DRC1: variants seen among roughly 807,000 people sequenced by gnomAD.
The protein encoded by DRC1 is dynein regulatory complex protein 1.
DRC1 carries 74 observed loss-of-function variants against 98.7 expected under a neutral mutation model. The ratio of observed to expected loss-of-function variants is 0.75; its 90% CI spans 0.62 to 0.91. The LOEUF (loss-of-function observed/expected upper bound fraction) is 0.91. Among genes scored for constraint, DRC1 ranks in the 40% least tolerant of loss-of-function variants. DRC1 has a pLI of 0.00. For missense variants in DRC1, 875 were observed against 886.0 expected, an observed-to-expected ratio of 0.99 and a Z score of 0.16; for synonymous variants, 336 against 334.1, an observed-to-expected ratio of 1.01 and a Z score of -0.06.
rs747725311 is a variant in DRC1 at position 26,414,365 on chromosome 2, A to C, written c.177A>C (p.Leu59Phe). ...ACAGGGAAGCACTTGGAGAATATTTAGATGGGAAGAAGGAGAGTGAGGAGG... is the reference window on the plus strand; with the variant it reads ...ACAGGGAAGCACTTGGAGAATATTTCGATGGGAAGAAGGAGAGTGAGGAGG... ...ARRREALGEY[L>F]DGKKESEEDQ... Residue 59 changes from leucine (L) to phenylalanine (F), a missense_variant, in exon 2 of 17, where the codon TTA (leucine) becomes TTC (phenylalanine). By Grantham distance (22) the Leu-to-Phe change is conservative. Transcript: ENST00000288710. The C allele has an allele frequency of 2.3e-5, 37 of 1,614,032 alleles. No individual in the cohort carries two copies. Among genetic ancestry groups the C allele is most frequent in the Non-Finnish European group, 2.8e-5 (33 of 1,179,948 alleles).
chr2:26,421,906 A>C (rs1450072625), intron 3 of DRC1, among the ~76,000 whole-genome samples: 1 of 152,102 alleles, frequency 6.6e-6, no homozygotes. Context: ...TACATTGCTG[A>C]TACGTGCCAA....
At chr2:26,424,095 C>T (rs1463132340) in intron 3 of DRC1, among the ~76,000 whole-genome samples, 176 bp from the exon 4 acceptor site, 2 of 152,144 alleles carry the variant, frequency 1.3e-5, no homozygotes, top group Non-Finnish European at 2.9e-5. Flanking sequence ...AAGTTATTTA[C>T]AGTCAAGCGT....
intron 7 of DRC1, among the ~76,000 whole-genome samples, chr2:26,434,926 G>A (rs1472192481): frequency 6.6e-6 from 1 of 151,602 alleles, no homozygotes; most frequent in Non-Finnish European, 1.5e-5. Flanking sequence ...TACACAAATA[G>A]TGTCAAAGAG....
intron 8 of DRC1, among the ~76,000 whole-genome samples, chr2:26,441,741 G>A (rs761737222): frequency 3.9e-5 from 6 of 152,130 alleles, no homozygotes; most frequent in Admixed American, 1.3e-4. Flanking sequence ...GGGAGGAGGC[G>A]CTTGAGGCAG....
At chr2:26,407,399 A>G (rs1425995505) in intron 1 of DRC1, among the ~76,000 whole-genome samples, 1 of 152,152 alleles carries the variant, frequency 6.6e-6, no homozygotes, top group Non-Finnish European at 1.5e-5. Flanking sequence ...CTAAATCCCC[A>G]AAGACTAGGA....
At chr2:26,410,474 G>T (rs1018950018) in intron 1 of DRC1, among the ~76,000 whole-genome samples, 1 of 152,050 alleles carries the variant, frequency 6.6e-6, no homozygotes. Context: ...GTTTCACCAT[G>T]TTGGCCAGGC....
chr2:26,428,566 A>G (rs1001743705), intron 4 of DRC1, among the ~76,000 whole-genome samples: 2 of 152,336 alleles, frequency 1.3e-5, no homozygotes, highest in Middle Eastern at 3.4e-3. Context: ...TGGGAGGCCG[A>G]GGCAGGTGGA....
chr2:26,442,066 G>A (rs1163638595), intron 8 of DRC1, among the ~76,000 whole-genome samples: 1 of 152,228 alleles, frequency 6.6e-6, no homozygotes, highest in Non-Finnish European at 1.5e-5. Flanking sequence ...TTAGTTTCTA[G>A]TGAGGGCTGC....
At chr2:26,412,826 G>A (rs970211166) in intron 1 of DRC1, among the ~76,000 whole-genome samples, 2 of 152,150 alleles carry the variant, frequency 1.3e-5, no homozygotes, top group African/African-American at 4.8e-5. Flanking sequence ...CGCCCAGGCT[G>A]GAGTGCAGTG....
At chr2:26,434,364 A>G (rs752926982) in intron 7 of DRC1, among the ~76,000 whole-genome samples, 5 of 152,232 alleles carry the variant, frequency 3.3e-5, no homozygotes, top group Non-Finnish European at 5.9e-5. Flanking sequence ...AAACTGCTAG[A>G]AACATTTAAT....
At position 26,428,436 on chromosome 2, in the gene DRC1, TGA is replaced by T. The variant is rs1378858218; in HGVS notation, c.541-1191_541-1190del. Among the ~76,000 whole-genome samples, 13 of 152,228 alleles carry T rather than the reference TGA, an allele frequency of 8.5e-5. 1 individual carries two copies. ...AAACCTGTCCGGAATGCTACTGTAC[TGA>T]ATACTGTAAGCAGTTGTAACGCAGT... On this transcript the variant is annotated intron_variant, in intron 4 of 16. Coordinates refer to ENST00000288710, the MANE Select transcript of DRC1 (RefSeq NM_145038.5).
Position 26,402,000 on chromosome 2 carries a change from C to A in DRC1, c.11C>A (p.Pro4Gln). MNP[P>Q]GSLEALDPNV... ...CCAGGGACTCCTGCCATGAATCCGC[C>A]GGGGTCCCTAGAGGCCCTGGACCCG... The change falls in exon 1 of 17, where the codon CCG becomes CAG. Residue 4 changes from proline (P) to glutamine (Q), a missense_variant. By Grantham distance (76) the Pro-to-Gln change is moderately conservative. Transcript: ENST00000288710. The A allele has an allele frequency of 6.2e-7, 1 of 1,606,492 alleles. No individual in the cohort carries two copies. The highest frequency in any genetic ancestry group is 1.1e-5 in the South Asian group (1 of 89,408).
intron 15 of DRC1, 102 bp from the exon 16 acceptor site, chr2:26,455,029 C>T: frequency 7.1e-7 from 1 of 1,413,380 alleles, no homozygotes; most frequent in East Asian, 2.3e-5. Context: ...CTTCTGGAGT[C>T]TCCCTCCACC....
At chr2:26,424,551 C>G (rs1663235392) in intron 4 of DRC1, 97 bp downstream of exon 4, 1 of 1,235,280 alleles carries the variant, frequency 8.1e-7, no homozygotes, top group Non-Finnish European at 1.1e-6. Context: ...AATGTAGAAA[C>G]CTTTTACTTC....
intron 2 of DRC1, among the ~76,000 whole-genome samples, chr2:26,420,917 C>T (rs1442768663): frequency 6.6e-6 from 1 of 152,044 alleles, no homozygotes; most frequent in Non-Finnish European, 1.5e-5. Context: ...GCACCCGCCA[C>T]CATGCCTGGC....
chr2:26,448,655 T>G, intron 10 of DRC1, 36 bp from the exon 11 acceptor site: 1 of 1,601,732 alleles, frequency 6.2e-7, no homozygotes, highest in Non-Finnish European at 8.5e-7. Flanking sequence ...ATTATCTTCT[T>G]TTTCTTTCTC....
rs1163255225 is a variant in DRC1 at position 26,411,889 on chromosome 2, A to G, written c.156-2455A>G. 3.3e-5 allele frequency among the ~76,000 whole-genome samples: 5 copies of G among 152,136 alleles called. No individual in the cohort carries two copies. In the East Asian group the frequency reaches 9.6e-4, roughly 29 times the overall value. On this transcript the variant is annotated intron_variant, in intron 1 of 16. Coordinates refer to ENST00000288710, the MANE Select transcript of DRC1 (RefSeq NM_145038.5). ...TCTGAAGCACTGATCTTTGATCCAGAAAGCACTTGGAAGGGATTATTTAAA... is the reference window on the plus strand; with the variant it reads ...TCTGAAGCACTGATCTTTGATCCAGGAAGCACTTGGAAGGGATTATTTAAA...
In DRC1 at chr2:26,421,370, G is replaced by C; in HGVS notation, c.326G>C (p.Arg109Thr). 6.2e-7 allele frequency: 1 copy of C among 1,613,482 alleles called. No homozygotes were observed. The change falls in exon 3 of 17, where the codon AGA becomes ACA. Residue 109 changes from arginine (R) to threonine (T), a missense_variant. Transcript: ENST00000288710. ...VAIDIREIHRRVEEEEIKRQR... is the reference protein window; with the variant it reads ...VAIDIREIHRTVEEEEIKRQR... ...ATAGATATCAGAGAGATTCACAGGAGAGTCGAAGAAGAGGAGATAAAGCGT... is the reference window on the plus strand; with the variant it reads ...ATAGATATCAGAGAGATTCACAGGACAGTCGAAGAAGAGGAGATAAAGCGT...
intron 3 of DRC1, among the ~76,000 whole-genome samples, chr2:26,423,117 G>C (rs1024599750): frequency 3.3e-5 from 5 of 152,072 alleles, no homozygotes; most frequent in Admixed American, 1.3e-4. Flanking sequence ...GCCAGGAATG[G>C]AGTCGGCAGA....
Sources: gnomAD v4.1 joint callset for allele counts (sites outside exome capture counted in the v4.1 genomes callset) on GRCh38, gnomAD v4.1.1 for gene constraint, MANE v1.5 for transcripts, NCBI Gene and HGNC (gene_info 2026-07-23, HGNC 2026-07-21) for gene names.